Variants in PTPN3 observed in about 807,000 individuals in gnomAD.
PTPN3 encodes the protein protein tyrosine phosphatase non-receptor type 3.
PTPN3 carries 96 observed loss-of-function variants against 132.7 expected under a neutral mutation model. The observed-to-expected ratio is 0.72, with a 90% CI of 0.61 to 0.86. PTPN3 has a LOEUF of 0.86. Among genes scored for constraint, PTPN3 ranks in the 40% least tolerant of loss-of-function variants. PTPN3 has a pLI of 0.00. For synonymous variants in PTPN3, 398 were observed against 429.0 expected (o/e 0.93, Z 0.89); for missense variants, 1,125 against 1,159.6 (o/e 0.97, Z 0.43).
intron 1 of PTPN3, among the ~76,000 whole-genome samples, chr9:109,478,403 CGTGGGT>C (rs1846794079): frequency 6.6e-6 from 1 of 152,234 alleles, no homozygotes; most frequent in African/African-American, 2.4e-5. Context: ...TATTCCACCA[CGTGGGT>C]GTACATAACT....
At chr9:109,428,574 CACAT>C (rs1417857477) in intron 11 of PTPN3, 43 bp downstream of exon 11, 1 of 1,583,580 alleles carries the variant, frequency 6.3e-7, no homozygotes, top group Non-Finnish European at 8.7e-7. Flanking sequence ...TCTAACCACA[CACAT>C]ACATATGCAC....
At chr9:109,529,996 G>C in the PTPN3 span, among the ~76,000 whole-genome samples, 3 of 152,062 alleles carry the variant, frequency 2.0e-5, no homozygotes, top group African/African-American at 4.8e-5. Flanking sequence ...CATTCCTCCT[G>C]CCTCAGCCTC....
Position 109,383,420 on chromosome 9 carries a change from C to T in PTPN3, c.2382+3G>A. The T allele has an allele frequency of 6.2e-7, 1 of 1,614,092 alleles. No homozygotes were observed. The highest frequency in any genetic ancestry group is 8.5e-7 in the Non-Finnish European group (1 of 1,180,014). ...CCACCGTGCCCCTCAGGCTGCGGCT[C>T]ACCTGGGTGTTTGTGACCAGCATTT... On this transcript the variant is annotated splice_donor_region_variant and intron_variant, in intron 23 of 25. Transcript: ENST00000374541.
chr9:109,377,612 G>A lies in PTPN3; in HGVS notation c.*1944C>T, dbSNP rs1370604577. The A allele has an allele frequency of 6.6e-6, 1 of 152,068 alleles. No individual in the cohort carries two copies. The highest frequency in any genetic ancestry group is 6.6e-5 in the Admixed American group (1 of 15,256). 9.4% of individuals were successfully genotyped at this position (152,068 alleles called of 1,614,324 possible). A position where few individuals can be genotyped will look rare whatever the true frequency, so the allele number is the denominator to read the frequency against. On this transcript the variant is annotated 3_prime_UTR_variant, in exon 26 of 26. Transcript: ENST00000374541. ...CAGTGAGACCCTGTCTCTAAAAAGA[G>A]AGACAAAAATCCAGTGGATTCTATT...
intron 14 of PTPN3, among the ~76,000 whole-genome samples, chr9:109,416,570 C>T (rs867000096): frequency 1.3e-5 from 2 of 151,674 alleles, no homozygotes; most frequent in Admixed American, 6.6e-5. Context: ...CTCAACCTCC[C>T]GAGCAGCCAG....
intron 1 of PTPN3, among the ~76,000 whole-genome samples, chr9:109,468,523 C>T (rs964285539): frequency 4.6e-5 from 7 of 152,110 alleles, no homozygotes; most frequent in Non-Finnish European, 7.4e-5. Flanking sequence ...CCCGCCACCA[C>T]GCCCGGCTAA....
rs11295310 is a variant in PTPN3, at chr9:109,473,911, CTT to C, written c.-17-10462_-17-10461del. On this transcript the variant is annotated intron_variant, in intron 1 of 25. Coordinates refer to ENST00000374541, the MANE Select transcript of PTPN3 (RefSeq NM_002829.4). ...TAAAAATTAGATTGTGTTAGAAGTT[CTT>C]TTTTTTTTTTTTAAAGAGTTTTAGG... Among the ~76,000 whole-genome samples the C allele has an allele frequency of 6.4e-3, 925 of 145,538 alleles. 6 individuals carry two copies. Among genetic ancestry groups the C allele is most frequent in the African/African-American group, 0.019 (756 of 39,510 alleles).
chr9:109,439,766 A>T (rs1466063965), intron 7 of PTPN3, among the ~76,000 whole-genome samples: 1 of 152,084 alleles, frequency 6.6e-6, no homozygotes, highest in African/African-American at 2.4e-5. Context: ...AAAATTAGCC[A>T]GGTATGATGG....
At chr9:109,471,063 T>C (rs902436478) in intron 1 of PTPN3, among the ~76,000 whole-genome samples, 4 of 147,594 alleles carry the variant, frequency 2.7e-5, no homozygotes, top group Non-Finnish European at 4.5e-5. Flanking sequence ...ATACGCATCT[T>C]TTTTTTTTTT....
the PTPN3 span, among the ~76,000 whole-genome samples, chr9:109,512,681 ATTGT>A: frequency 6.6e-6 from 1 of 152,194 alleles, no homozygotes; most frequent in Non-Finnish European, 1.5e-5. Context: ...GGAGATTAAA[ATTGT>A]TTATCTATTT....
At chr9:109,534,321 C>T in the PTPN3 span, 1 of 1,521,892 alleles carries the variant, frequency 6.6e-7, no homozygotes, top group Non-Finnish European at 8.8e-7. Flanking sequence ...GGGTCTCGGC[C>T]TCGCTGCTCA....
chr9:109,458,812 G>A (rs1255726951), intron 2 of PTPN3, among the ~76,000 whole-genome samples: 1 of 152,132 alleles, frequency 6.6e-6, no homozygotes, highest in East Asian at 1.9e-4. Context: ...TGCTCCCCTT[G>A]TCGGAATTAT....
the PTPN3 span, among the ~76,000 whole-genome samples, chr9:109,528,028 A>T: frequency 6.6e-6 from 1 of 152,246 alleles, no homozygotes; most frequent in Non-Finnish European, 1.5e-5. Context: ...ATCATTATGC[A>T]TTAGGCTAAT....
intron 19 of PTPN3, among the ~76,000 whole-genome samples, chr9:109,396,349 T>C (rs983877738): frequency 1.3e-5 from 2 of 152,162 alleles, no homozygotes; most frequent in African/African-American, 4.8e-5. Flanking sequence ...TTGGCCAGAG[T>C]ATGAGACATG....
chr9:109,383,602 C>T (rs748381605), intron 22 of PTPN3, 51 bp from the exon 23 acceptor site: 1 of 1,600,464 alleles, frequency 6.2e-7, no homozygotes, highest in East Asian at 2.2e-5. Flanking sequence ...GGTGTTCCTG[C>T]AAGCAGTTAA....
At position 109,379,306 on chromosome 9, in the gene PTPN3, C is replaced by A; in HGVS notation, c.*250G>T. 2.1e-6 allele frequency: 1 copy of A among 487,784 alleles called. No homozygotes were observed. The highest frequency in any genetic ancestry group is 1.9e-5 in the African/African-American group (1 of 51,374). The allele number at this position is 487,784 out of a possible 1,614,324, so 30.2% of individuals were successfully genotyped here. A position where few individuals can be genotyped will look rare whatever the true frequency, so the allele number is the denominator to read the frequency against. Reference sequence around the variant, plus strand: ...TAGGGAAGAAGGCATTAGGACAGGCCCCAAACTGAGATCCTTTTTGTATCT... The same window carrying A: ...TAGGGAAGAAGGCATTAGGACAGGCACCAAACTGAGATCCTTTTTGTATCT... On this transcript the variant is annotated 3_prime_UTR_variant, in exon 26 of 26. Coordinates refer to ENST00000374541, the MANE Select transcript of PTPN3 (RefSeq NM_002829.4).
upstream of PTPN3, among the ~76,000 whole-genome samples, chr9:109,498,785 AC>A (rs1185825273): frequency 6.6e-6 from 1 of 151,824 alleles, no homozygotes; most frequent in Non-Finnish European, 1.5e-5. The surrounding 1 kb of genome is among the most constrained non-coding windows in gnomAD (Gnocchi z 4.2). Context: ...GTCTCATCTC[AC>A]ACCTGCCTTC....
chr9:109,425,885 G>T (rs1240806996), intron 12 of PTPN3, among the ~76,000 whole-genome samples: 1 of 151,750 alleles, frequency 6.6e-6, no homozygotes, highest in Non-Finnish European at 1.5e-5. Flanking sequence ...GTGGTGGTGT[G>T]CTCCTGTAAT....
At chr9:109,398,911 T>C (rs1392738286) in intron 19 of PTPN3, among the ~76,000 whole-genome samples, 2 of 152,220 alleles carry the variant, frequency 1.3e-5, no homozygotes, top group African/African-American at 4.8e-5. Flanking sequence ...AACAAGAGCT[T>C]CCTGGAAGTG....
Sources: allele counts gnomAD v4.1 joint callset (sites outside exome capture counted in the v4.1 genomes callset), GRCh38; gene constraint gnomAD v4.1.1; non-coding constraint Gnocchi (gnomAD v3.1); transcripts MANE v1.5; gene names NCBI Gene and HGNC (gene_info 2026-07-23, HGNC 2026-07-21).